Variants in DAB1 observed in about 807,000 individuals in gnomAD.
The protein encoded by DAB1 is disabled homolog 1.
In DAB1, 15 loss-of-function variants were observed where a neutral mutation model predicts 64.6. That is an observed-to-expected ratio of 0.23 (90% CI 0.16 to 0.36). DAB1 has a LOEUF of 0.36. Among genes scored for constraint, DAB1 ranks in the 10% least tolerant of loss-of-function variants. The pLI is 1.00. For missense variants in DAB1, 596 were observed against 706.7 expected, an observed-to-expected ratio of 0.84 and a Z score of 1.78; for synonymous variants, 235 against 251.9, an observed-to-expected ratio of 0.93 and a Z score of 0.64.
intron 3 of DAB1, among the ~76,000 whole-genome samples, chr1:57,141,605 C>A (rs142840022): frequency 8.1e-4 from 123 of 152,244 alleles, no homozygotes; most frequent in African/African-American, 2.9e-3. Flanking sequence ...TTAAAGTATC[C>A]TCATCTGGTC....
At chr1:57,957,811 A>G (rs1354847976) in intron 5 of DAB1, among the ~76,000 whole-genome samples, 3 of 152,180 alleles carry the variant, frequency 2.0e-5, no homozygotes, top group African/African-American at 7.2e-5. Context: ...ACAAATAAGA[A>G]TTAGCACCTT....
At chr1:57,194,762 G>A (rs1277315051) in intron 2 of DAB1, among the ~76,000 whole-genome samples, 2 of 152,146 alleles carry the variant, frequency 1.3e-5, no homozygotes, top group African/African-American at 4.8e-5. Context: ...TCCATGGGAG[G>A]CATGGAGAAG....
chr1:58,318,048 A>T (rs1662597634), intron 4 of DAB1, among the ~76,000 whole-genome samples: 3 of 152,206 alleles, frequency 2.0e-5, no homozygotes. Flanking sequence ...AAGGTTAGGG[A>T]TCCTAGCTGA....
Position 57,010,856 on chromosome 1 carries a change from T to A in DAB1, c.1573-66A>T, listed in dbSNP as rs1646244492. 4 of 1,204,360 alleles carry A rather than the reference T, an allele frequency of 3.3e-6. No individual in the cohort carries two copies. The South Asian group carries it at 6.5e-5, about 19-fold the overall frequency. 74.6% of individuals were successfully genotyped at this position (1,204,360 alleles called of 1,614,324 possible). ...TCAAGCATTGAAAATATAAGACACC[T>A]GGATATACTTTCATGCAGCACAATC... On this transcript the variant is annotated intron_variant, in intron 13 of 14. Coordinates refer to ENST00000371236, the MANE Select transcript of DAB1 (RefSeq NM_001365792.1).
At chr1:58,503,366 T>G (rs1645938428) in intron 3 of DAB1, among the ~76,000 whole-genome samples, 1 of 152,200 alleles carries the variant, frequency 6.6e-6, no homozygotes, top group South Asian at 2.1e-4. Context: ...GTCCCATGCC[T>G]ATACTACCCT....
intron 5 of DAB1, among the ~76,000 whole-genome samples, chr1:58,129,516 C>G (rs1425917010): frequency 7.9e-6 from 1 of 127,358 alleles, no homozygotes; most frequent in Non-Finnish European, 1.6e-5. Context: ...AATGTGTTTG[C>G]TCTTGCTTTT....
chr1:58,141,346 T>A (rs1351272132), intron 5 of DAB1, among the ~76,000 whole-genome samples: 1 of 152,014 alleles, frequency 6.6e-6, no homozygotes, highest in Non-Finnish European at 1.5e-5. Flanking sequence ...CTGCCCTTTA[T>A]AAAACCATCA....
chr1:58,447,742 C>A (rs762186678), intron 3 of DAB1, among the ~76,000 whole-genome samples: 1 of 151,782 alleles, frequency 6.6e-6, no homozygotes, highest in South Asian at 2.1e-4. Flanking sequence ...GGACTGAGAT[C>A]TAAAAGATGA....
intron 1 of DAB1, among the ~76,000 whole-genome samples, chr1:58,529,690 C>T (rs1371274807): frequency 2.6e-5 from 4 of 152,150 alleles, no homozygotes; most frequent in Non-Finnish European, 2.9e-5. Context: ...GTGGATTATG[C>T]ACCTGGTAGA....
Position 58,171,408 on chromosome 1 carries a change from C to T in DAB1, n.310-20820G>A, listed in dbSNP as rs1427947250. Among the ~76,000 whole-genome samples, 4 of 152,364 alleles carry T rather than the reference C, an allele frequency of 2.6e-5. No individual in the cohort carries two copies. In the South Asian group the frequency reaches 6.2e-4, roughly 24 times the overall value. ...AGGAAATGCAGCAGTCCCTGCAACA[C>T]TCCAATTCTGGGAGTACAAAAGCTG... On this transcript the variant is annotated intron_variant and non_coding_transcript_variant, in intron 4 of 20. Coordinates refer to the DAB1 transcript ENST00000485760.
At chr1:57,797,982 C>T (rs770104299) in intron 6 of DAB1, among the ~76,000 whole-genome samples, 2 of 152,136 alleles carry the variant, frequency 1.3e-5, no homozygotes, top group Non-Finnish European at 2.9e-5. Context: ...GTGGTTAAAA[C>T]CTTTATGGGG....
intron 5 of DAB1, 147 bp downstream of exon 5, chr1:57,072,136 T>C: frequency 1.1e-6 from 1 of 887,226 alleles, no homozygotes; most frequent in Non-Finnish European, 1.7e-6. Flanking sequence ...CTGTTTATCT[T>C]TTCTAGATGG....
chr1:57,420,360 G>C (rs1350801734), intron 1 of DAB1, among the ~76,000 whole-genome samples: 1 of 152,168 alleles, frequency 6.6e-6, no homozygotes, highest in African/African-American at 2.4e-5. Context: ...TGTAATCTCA[G>C]GCCAGTTACC....
chr1:57,948,839 C>A (rs1645222886), intron 5 of DAB1, among the ~76,000 whole-genome samples: 1 of 152,166 alleles, frequency 6.6e-6, no homozygotes, highest in Admixed American at 6.6e-5. Flanking sequence ...AGAAATAGAG[C>A]CTTGGGTCTT....
intron 4 of DAB1, among the ~76,000 whole-genome samples, chr1:57,076,113 G>A (rs970765721): frequency 3.9e-5 from 6 of 152,278 alleles, no homozygotes; most frequent in African/African-American, 1.2e-4. Context: ...CTGTTGAGCA[G>A]CCAGAGGCAG....
intron 6 of DAB1, among the ~76,000 whole-genome samples, chr1:57,796,541 T>C (rs549842726): frequency 1.4e-5 from 2 of 141,344 alleles, no homozygotes; most frequent in Non-Finnish European, 3.0e-5. Flanking sequence ...ATAACAATGA[T>C]AATAATAATA....
chr1:57,445,897 T>A (rs2101142522), intron 7 of DAB1, among the ~76,000 whole-genome samples: 1 of 152,284 alleles, frequency 6.6e-6, no homozygotes, highest in South Asian at 2.1e-4. Flanking sequence ...CTTTCTTACA[T>A]AATGGTACAT....
At chr1:58,277,037 C>CTTTT (rs869207396) in intron 4 of DAB1, among the ~76,000 whole-genome samples, 4 of 79,638 alleles carry the variant, frequency 5.0e-5, no homozygotes, top group African/African-American at 1.6e-4. Flanking sequence ...CTTTTTTTTT[C>CTTTT]TTTTTTTTTT....
At chr1:57,450,572 T>C (rs1177926365) in intron 7 of DAB1, among the ~76,000 whole-genome samples, 1 of 152,224 alleles carries the variant, frequency 6.6e-6, no homozygotes, top group Non-Finnish European at 1.5e-5. Flanking sequence ...TGTTTCAATG[T>C]CAGTATTGCT....
Sources: allele counts gnomAD v4.1 joint callset (sites outside exome capture counted in the v4.1 genomes callset), GRCh38; gene constraint gnomAD v4.1.1; transcripts MANE v1.5; gene names NCBI Gene and HGNC (gene_info 2026-07-23, HGNC 2026-07-21).